The following OPA1 variants were observed in gnomAD, a reference collection of about 807,000 sequenced individuals.
OPA1 encodes OPA1 mitochondrial dynamin like GTPase.
A neutral mutation model predicts 152.9 loss-of-function variants in OPA1; 59 were observed. The observed-to-expected ratio is 0.39, with a 90% CI of 0.31 to 0.48. OPA1 has a LOEUF of 0.48. OPA1 is among the 20% of genes least tolerant of loss of function. The pLI, the probability that OPA1 is intolerant of heterozygous loss-of-function variation, is 0.96. For missense variants in OPA1, 1,008 were observed against 1,216.8 expected (o/e 0.83, Z 2.55); for synonymous variants, 400 against 389.9 (o/e 1.03, Z -0.31).
chr3:193,618,639 T>C, intron 5 of OPA1: 1 of 504,902 alleles, frequency 2.0e-6, no homozygotes, highest in Non-Finnish European at 3.5e-6. Context: ...TATATATTTT[T>C]AATTGTTAGG....
intron 20 of OPA1, chr3:193,648,580 C>T: frequency 2.0e-6 from 1 of 492,134 alleles, no homozygotes; most frequent in Admixed American, 3.4e-5. Context: ...TGCATTCAAA[C>T]TTGAGAAGGT....
intron 19 of OPA1, 76 bp downstream of exon 19, chr3:193,647,256 C>A: frequency 3.4e-6 from 3 of 884,938 alleles, no homozygotes; most frequent in Non-Finnish European, 5.5e-6. Flanking sequence ...CCATACGATT[C>A]TGTACTTCTT....
chr3:193,613,819 T>A (rs1728618679), intron 1 of OPA1: 1 of 453,758 alleles, frequency 2.2e-6, no homozygotes, highest in South Asian at 1.7e-5. Flanking sequence ...CTCAGGTGAT[T>A]CACCCACCTC....
intron 22 of OPA1, among the ~76,000 whole-genome samples, chr3:193,656,342 A>G (rs754326787): frequency 6.6e-6 from 1 of 152,150 alleles, no homozygotes; most frequent in East Asian, 1.9e-4. Context: ...GTATTTTTGG[A>G]CAGTCACTTT....
At chr3:193,607,060 G>A (rs1727402603) in intron 1 of OPA1, among the ~76,000 whole-genome samples, 2 of 152,198 alleles carry the variant, frequency 1.3e-5, no homozygotes, top group South Asian at 4.1e-4. Context: ...CTGCATAAAT[G>A]TCTTCTTTTG....
chr3:193,665,784 T>C (rs1439266457), intron 27 of OPA1, among the ~76,000 whole-genome samples: 2 of 152,190 alleles, frequency 1.3e-5, no homozygotes, highest in Admixed American at 6.5e-5. Flanking sequence ...TAGAGTGAAC[T>C]TCTTTCTATA....
chr3:193,643,651 A>G (rs774984709), intron 15 of OPA1, 24 bp downstream of exon 15: 13 of 1,545,936 alleles, frequency 8.4e-6, no homozygotes, highest in South Asian at 1.1e-5. Flanking sequence ...AAAGATTTTA[A>G]TGTACTGATA....
intron 11 of OPA1, among the ~76,000 whole-genome samples, chr3:193,641,812 T>C (rs1254908967): frequency 1.3e-5 from 2 of 152,240 alleles, no homozygotes; most frequent in East Asian, 3.8e-4. Context: ...ACTGTTAATA[T>C]ACATTGCTAT....
intron 29 of OPA1, among the ~76,000 whole-genome samples, chr3:193,682,256 C>T (rs1039190579): frequency 3.3e-5 from 5 of 152,106 alleles, no homozygotes; most frequent in South Asian, 4.1e-4. Context: ...TTCAATTCTC[C>T]GAAAGCTGAG....
chr3:193,630,193 A>G (rs544055706), intron 7 of OPA1, among the ~76,000 whole-genome samples: 1 of 152,296 alleles, frequency 6.6e-6, no homozygotes, highest in East Asian at 1.9e-4. Context: ...GCGACTGTTT[A>G]TAATTCTTGT....
intron 7 of OPA1, among the ~76,000 whole-genome samples, chr3:193,627,706 T>C (rs1281229898): frequency 1.3e-5 from 2 of 152,190 alleles, no homozygotes; most frequent in African/African-American, 2.4e-5. Context: ...TCAAGAGATA[T>C]CCATAATGAA....
At chr3:193,677,094 C>T (rs1169246541) in intron 29 of OPA1, among the ~76,000 whole-genome samples, 1 of 150,908 alleles carries the variant, frequency 6.6e-6, no homozygotes, top group Non-Finnish European at 1.5e-5. Context: ...GTAATCAACA[C>T]TTTACTAGCA....
At position 193,680,242 on chromosome 3, in the gene OPA1, CTGTT is replaced by C. The variant is rs1442653894; in HGVS notation, c.2984-11819_2984-11816del. 2.0e-5 allele frequency among the ~76,000 whole-genome samples: 3 copies of C among 152,128 alleles called. No homozygotes were observed. In the East Asian group the frequency reaches 5.8e-4, roughly 29 times the overall value. On this transcript the variant is annotated intron_variant, in intron 29 of 30. Transcript: ENST00000361510. ...TTTTAAAATTACAGTGATGAACTGA[CTGTT>C]TAAGAATCATTCTCATGATTCATTC...
chr3:193,637,140 TA>T (rs1398581134), intron 9 of OPA1, 54 bp from the exon 10 acceptor site: 2 of 935,126 alleles, frequency 2.1e-6, no homozygotes, highest in Middle Eastern at 3.1e-4. Flanking sequence ...ACATCTGTTA[TA>T]TTTTTTTCTT....
At position 193,670,530 on chromosome 3, in the gene OPA1, C is replaced by A. The variant is rs1299865301; in HGVS notation, c.2983+3250C>A. Reference sequence around the variant, plus strand: ...TACAGGCGCCCGCCACCATGCCTGGCTTATTTTTTGTATTTTTAGTAGAGA... The same window carrying A: ...TACAGGCGCCCGCCACCATGCCTGGATTATTTTTTGTATTTTTAGTAGAGA... On this transcript the variant is annotated intron_variant, in intron 29 of 30. Coordinates refer to ENST00000361510, the MANE Select transcript of OPA1 (RefSeq NM_130837.3). Among the ~76,000 whole-genome samples the A allele has an allele frequency of 2.0e-5, 3 of 151,858 alleles. No homozygotes were observed. In the East Asian group the frequency reaches 5.8e-4, roughly 29 times the overall value.
At chr3:193,640,688 A>T (rs890989711) in intron 11 of OPA1, among the ~76,000 whole-genome samples, 2 of 152,222 alleles carry the variant, frequency 1.3e-5, no homozygotes, top group Non-Finnish European at 2.9e-5. Flanking sequence ...GGTGGACTGA[A>T]GTCCCTTTAA....
intron 1 of OPA1, among the ~76,000 whole-genome samples, chr3:193,597,669 T>C (rs2887065): frequency 0.5 from 70,467 of 140,052 alleles, 17,381 homozygotes; most frequent in African/African-American, 0.56. Flanking sequence ...CCAACCTGGG[T>C]GACAGAGCAA....
rs143147014 is a variant in OPA1 at position 193,647,904 on chromosome 3, A to G, written c.1871-166A>G. 1.2e-4 allele frequency among the ~76,000 whole-genome samples: 18 copies of G among 152,340 alleles called. No homozygotes were observed. In the East Asian group the frequency reaches 3.5e-3, roughly 29 times the overall value. ...ATCAGGGAGAATAGTTTTGAAAGCT[A>G]TTGCAAAAATGAAATTCTGAGACGT... On this transcript the variant is annotated intron_variant, in intron 19 of 30. Coordinates refer to ENST00000361510, the MANE Select transcript of OPA1 (RefSeq NM_130837.3).
Position 193,667,274 on chromosome 3 carries a change from G to A in OPA1, c.2977G>A (p.Asp993Asn), listed in dbSNP as rs1251088119. 6.7e-7 allele frequency: 1 copy of A among 1,496,566 alleles called. No individual in the cohort carries two copies. The highest frequency in any genetic ancestry group is 9.3e-7 in the Non-Finnish European group (1 of 1,072,814). 92.7% of individuals were successfully genotyped at this position (1,496,566 alleles called of 1,614,324 possible). A position where few individuals can be genotyped will look rare whatever the true frequency, so the allele number is the denominator to read the frequency against. Residue 993 changes from aspartate (D) to asparagine (N), a missense_variant, in exon 29 of 31, where the codon GAC (aspartate) becomes AAC (asparagine). By Grantham distance (23) the Asp-to-Asn change is conservative. Transcript: ENST00000361510. The part of the protein sequence containing the change: ...LTGKRVQLAE[D>N]LKKVREIQEK... ...TGGTAAACGCGTTCAACTGGCGGAA[G>A]ACCTCAGTGAGTAGTTCTTACTGCC... is the stretch of plus-strand genomic sequence containing the variant.
Sources: allele counts gnomAD v4.1 joint callset (sites outside exome capture counted in the v4.1 genomes callset), GRCh38; gene constraint gnomAD v4.1.1; transcripts MANE v1.5; gene names NCBI Gene and HGNC (gene_info 2026-07-23, HGNC 2026-07-21).